PFKFB3: variants seen among roughly 807,000 people sequenced by gnomAD.
PFKFB3 encodes the protein 6-phosphofructo-2-kinase/fructose-2,6-biphosphatase 3.
PFKFB3 carries 33 observed loss-of-function variants against 68.0 expected under a neutral mutation model. That is an observed-to-expected ratio of 0.49 (90% CI 0.37 to 0.65). The LOEUF is 0.65. PFKFB3 is among the 30% of genes least tolerant of loss of function. PFKFB3 has a pLI of 0.00. For missense variants in PFKFB3, 586 were observed against 712.2 expected, an observed-to-expected ratio of 0.82 and a Z score of 2.02; for synonymous variants, 315 against 288.2, an observed-to-expected ratio of 1.09 and a Z score of -0.94.
the PFKFB3 span, among the ~76,000 whole-genome samples, chr10:6,281,145 T>C: frequency 3.9e-5 from 3 of 77,632 alleles, no homozygotes; most frequent in Non-Finnish European, 1.1e-4. Context: ...CATTCCTTTT[T>C]ATGGCTGATT....
intron 2 of PFKFB3, 77 bp downstream of exon 2, chr10:6,213,825 C>G (rs1844390930): frequency 6.6e-7 from 1 of 1,522,152 alleles, no homozygotes; most frequent in Non-Finnish European, 8.9e-7. Flanking sequence ...GTTTCACAGG[C>G]AGGACCACCC....
upstream of PFKFB3, among the ~76,000 whole-genome samples, chr10:6,200,446 C>T (rs1180613527): frequency 2.0e-5 from 3 of 152,002 alleles, no homozygotes; most frequent in African/African-American, 7.3e-5. Flanking sequence ...CTAGTAAACT[C>T]GGAACCAGTA....
chr10:6,188,379 C>G (rs1037004370), intron 1 of PFKFB3, among the ~76,000 whole-genome samples: 4 of 151,300 alleles, frequency 2.6e-5, no homozygotes, highest in Admixed American at 1.3e-4. Flanking sequence ...GCTCACAAGC[C>G]TTTCATCTAG....
intron 1 of PFKFB3, among the ~76,000 whole-genome samples, chr10:6,189,102 G>T (rs1044531267): frequency 6.6e-6 from 1 of 152,174 alleles, no homozygotes; most frequent in Non-Finnish European, 1.5e-5. Flanking sequence ...GCCTCCCAAA[G>T]TGCTGGGATT....
At chr10:6,292,271 T>TTTTTTTC in the PFKFB3 span, among the ~76,000 whole-genome samples, 1 of 129,046 alleles carries the variant, frequency 7.7e-6, no homozygotes, top group Admixed American at 8.7e-5. Context: ...GTGTACTTTT[T>TTTTTTTC]TTTTTTCTTT....
intron 14 of PFKFB3, among the ~76,000 whole-genome samples, chr10:6,241,071 A>AT (rs1352068200): frequency 4.6e-5 from 7 of 151,744 alleles, no homozygotes; most frequent in African/African-American, 1.5e-4. Context: ...TGCCTGGTTA[A>AT]TTTTTTTGTA....
chr10:6,205,779 A>T (rs1470232529), intron 1 of PFKFB3, among the ~76,000 whole-genome samples: 8 of 146,176 alleles, frequency 5.5e-5, no homozygotes, highest in Admixed American at 2.8e-4. Context: ...CCTGAGGTTT[A>T]TTATTTATTT....
At chr10:6,288,736 G>T in the PFKFB3 span, among the ~76,000 whole-genome samples, 2 of 141,152 alleles carry the variant, frequency 1.4e-5, no homozygotes, top group African/African-American at 6.4e-5. Flanking sequence ...GGATGGCTGG[G>T]TCAAATGGTA....
At chr10:6,273,698 A>G in the PFKFB3 span, among the ~76,000 whole-genome samples, 1 of 152,320 alleles carries the variant, frequency 6.6e-6, no homozygotes, top group South Asian at 2.1e-4. Flanking sequence ...GGTCATTAGG[A>G]TGGGCCTTAA....
chr10:6,219,511 A>T (rs1844807413), intron 6 of PFKFB3, 58 bp from the exon 7 acceptor site: 1 of 1,606,502 alleles, frequency 6.2e-7, no homozygotes, highest in Non-Finnish European at 8.5e-7. Context: ...AATCCTGCTT[A>T]ATCTCAGCAG....
chr10:6,220,865 G>A lies in PFKFB3; in HGVS notation c.831G>A (p.Lys277=). The change falls in exon 8 of 15, where the codon AAG becomes AAA. Residue 277 remains lysine (K), a splice_region_variant and synonymous_variant. Coordinates refer to ENST00000379775, the MANE Select transcript of PFKFB3 (RefSeq NM_004566.4). This position sits in a 1 kb window ranked among gnomAD's most constrained non-coding sequence, Gnocchi z 4.1. ...GDSGLSSRGK[K]FASALSKFVE... ...CAGGCCTGTCCAGCCGGGGCAAGAA[G>A]GTGCGGGGTGTGCTGCCGCATGGGC... 2 of 1,610,194 alleles carry A rather than the reference G, an allele frequency of 1.2e-6. No homozygotes were observed. The highest frequency in any genetic ancestry group is 1.7e-6 in the Non-Finnish European group (2 of 1,179,920).
chr10:6,228,208 C>T lies in PFKFB3; in HGVS notation c.1515+1843C>T, dbSNP rs1845485178. The T allele has an allele frequency of 6.2e-7, 1 of 1,612,806 alleles. No individual in the cohort carries two copies. Among genetic ancestry groups the T allele is most frequent in the Non-Finnish European group, 8.5e-7 (1 of 1,179,872 alleles). ...TTCTCCTCCGCAGCCTTTGCTAGGG[C>T]AAGCCTGTCTGTAAGTATCTCTCCG... On this transcript the variant is annotated intron_variant, in intron 14 of 14. Coordinates refer to ENST00000379775, the MANE Select transcript of PFKFB3 (RefSeq NM_004566.4). The surrounding 1 kb of genome is among the most constrained non-coding windows in gnomAD (Gnocchi z 4.5).
intron 14 of PFKFB3, among the ~76,000 whole-genome samples, chr10:6,226,811 C>T (rs771232501): frequency 1.2e-4 from 18 of 152,212 alleles, no homozygotes; most frequent in African/African-American, 3.6e-4. Flanking sequence ...CAAGGCCAGG[C>T]GCGGTGGCTC....
At chr10:6,191,913 C>T (rs1843033131) in intron 1 of PFKFB3, among the ~76,000 whole-genome samples, 1 of 152,074 alleles carries the variant, frequency 6.6e-6, no homozygotes, top group African/African-American at 2.4e-5. Flanking sequence ...GTGGCTCGGA[C>T]ACCCTGGTCG....
chr10:6,233,229 C>G lies in PFKFB3; in HGVS notation c.*287C>G, dbSNP rs1693091281. On this transcript the variant is annotated 3_prime_UTR_variant, in exon 15 of 15. Coordinates refer to ENST00000379775, the MANE Select transcript of PFKFB3 (RefSeq NM_004566.4). Reference sequence around the variant, plus strand: ...CCAGCCTCGGAGACCTTCACAAAGCCTTGGGAGGGTGATGAGTGCTGGTCC... The same window carrying G: ...CCAGCCTCGGAGACCTTCACAAAGCGTTGGGAGGGTGATGAGTGCTGGTCC... 4.8e-6 allele frequency: 2 copies of G among 416,440 alleles called. No individual in the cohort carries two copies. Among genetic ancestry groups the G allele is most frequent in the East Asian group, 4.1e-5 (1 of 24,402 alleles). The allele number at this position is 416,440 out of a possible 1,614,324, so 25.8% of individuals were successfully genotyped here.
chr10:6,284,623 T>G, the PFKFB3 span, among the ~76,000 whole-genome samples: 1 of 152,240 alleles, frequency 6.6e-6, no homozygotes, highest in Non-Finnish European at 1.5e-5. Flanking sequence ...ACTATTTTAA[T>G]GTGTACAGTT....
At chr10:6,166,199 C>T (rs1842133682) in intron 1 of PFKFB3, among the ~76,000 whole-genome samples, 1 of 152,066 alleles carries the variant, frequency 6.6e-6, no homozygotes, top group Admixed American at 6.6e-5. Flanking sequence ...CCAGGCTGGC[C>T]TCGAACACCT....
the PFKFB3 span, among the ~76,000 whole-genome samples, chr10:6,315,307 C>T: frequency 6.6e-6 from 1 of 152,084 alleles, no homozygotes; most frequent in Non-Finnish European, 1.5e-5. Context: ...AGATCCAGAC[C>T]CCAAGAGAGG....
At chr10:6,276,393 A>G in the PFKFB3 span, among the ~76,000 whole-genome samples, 1 of 145,982 alleles carries the variant, frequency 6.9e-6, no homozygotes, top group African/African-American at 2.5e-5. Flanking sequence ...GCCATGCTTC[A>G]GAAAAAAAAA....
Sources: allele counts gnomAD v4.1 joint callset (sites outside exome capture counted in the v4.1 genomes callset), GRCh38; gene constraint gnomAD v4.1.1; non-coding constraint Gnocchi (gnomAD v3.1); transcripts MANE v1.5; gene names NCBI Gene and HGNC (gene_info 2026-07-23, HGNC 2026-07-21).